Variants in FGD4 observed in about 807,000 individuals in gnomAD.
FGD4 encodes the protein FYVE, RhoGEF and PH domain-containing protein 4.
FGD4 carries 42 observed loss-of-function variants against 102.0 expected under a neutral mutation model. The ratio of observed to expected loss-of-function variants is 0.41; its 90% confidence interval spans 0.32 to 0.53. The LOEUF (loss-of-function observed/expected upper bound fraction) is 0.53. Ranked by LOEUF, FGD4 falls within the 20% of genes least tolerant of loss-of-function variation. The probability of loss-of-function intolerance (pLI) is 0.21; values close to 1 mark genes in which losing one functional copy is unlikely to be tolerated. For missense variants in FGD4, 902 were observed against 1,078.2 expected, an observed-to-expected ratio of 0.84 and a Z score of 2.29; for synonymous variants, 380 against 375.7, an observed-to-expected ratio of 1.01 and a Z score of -0.13.
chr12:32,608,216 A>C (rs1948911508), intron 8 of FGD4, 121 bp downstream of exon 8: 1 of 1,367,676 alleles, frequency 7.3e-7, no homozygotes, highest in Non-Finnish European at 1.0e-6. Flanking sequence ...GTTAGAAGAT[A>C]ATTTCATTGG....
chr12:32,632,829 A>G (rs1472806214), intron 14 of FGD4, among the ~76,000 whole-genome samples: 1 of 151,498 alleles, frequency 6.6e-6, no homozygotes, highest in Admixed American at 6.6e-5. Flanking sequence ...CGGCCTCCCA[A>G]AGTGCTGAGA....
intron 1 of FGD4, among the ~76,000 whole-genome samples, chr12:32,451,492 T>A (rs1942773459): frequency 6.6e-6 from 1 of 152,240 alleles, no homozygotes; most frequent in Non-Finnish European, 1.5e-5. Flanking sequence ...ACAAAATTTA[T>A]GATTCTCTGA....
chr12:32,614,030 C>CTT (rs1949306041), intron 10 of FGD4, among the ~76,000 whole-genome samples: 1 of 152,134 alleles, frequency 6.6e-6, no homozygotes, highest in Non-Finnish European at 1.5e-5. Context: ...AGACCATCCA[C>CTT]ATCCTTTTGC....
At chr12:32,586,541 A>C (rs1947049966) in intron 4 of FGD4, among the ~76,000 whole-genome samples, 1 of 152,250 alleles carries the variant, frequency 6.6e-6, no homozygotes, top group Non-Finnish European at 1.5e-5. Context: ...AGAAACAATT[A>C]AAGCATGGAA....
chr12:32,419,783 C>T (rs574897680), intron 1 of FGD4, among the ~76,000 whole-genome samples: 47 of 152,098 alleles, frequency 3.1e-4, no homozygotes, highest in African/African-American at 1.1e-3. Flanking sequence ...TAAGGCCAGT[C>T]CAAATGCTCC....
intron 2 of FGD4, among the ~76,000 whole-genome samples, chr12:32,571,077 G>A (rs2136331185): frequency 6.6e-6 from 1 of 152,316 alleles, no homozygotes; most frequent in Non-Finnish European, 1.5e-5. Context: ...ACTTCTCAAA[G>A]TAGCTGTGTG....
At chr12:32,566,708 G>A (rs528373517) in intron 2 of FGD4, among the ~76,000 whole-genome samples, 8 of 152,186 alleles carry the variant, frequency 5.3e-5, no homozygotes, top group East Asian at 1.9e-4. Flanking sequence ...TTAGTGGAGA[G>A]AAGCTGATTT....
chr12:32,422,556 C>G (rs1056422757), intron 1 of FGD4, among the ~76,000 whole-genome samples: 5 of 150,278 alleles, frequency 3.3e-5, no homozygotes, highest in Non-Finnish European at 5.9e-5. Flanking sequence ...CCTCAGCCTC[C>G]CAAATTGGGA....
At chr12:32,491,132 T>TAAA (rs72008264) in intron 1 of FGD4, among the ~76,000 whole-genome samples, 12,800 of 105,304 alleles carry the variant, frequency 0.12, 984 homozygotes, top group Middle Eastern at 0.16. Context: ...TTCTGCCAGT[T>TAAA]AAAAAAAAAA....
At chr12:32,411,139 G>C (rs1941190028) in intron 1 of FGD4, among the ~76,000 whole-genome samples, 1 of 151,222 alleles carries the variant, frequency 6.6e-6, no homozygotes, top group East Asian at 2.0e-4. Context: ...AGGTTGGCCA[G>C]ACTGGTCTCG....
intron 1 of FGD4, among the ~76,000 whole-genome samples, chr12:32,502,903 G>C (rs1454658057): frequency 6.6e-6 from 1 of 152,184 alleles, no homozygotes; most frequent in Non-Finnish European, 1.5e-5. Flanking sequence ...TGCAGGCACC[G>C]TGGTAAAGGA....
At chr12:32,549,876 T>G (rs1943514174) in intron 1 of FGD4, among the ~76,000 whole-genome samples, 1 of 152,212 alleles carries the variant, frequency 6.6e-6, no homozygotes. Context: ...CATCCTTTCC[T>G]CCTCCTTGGC....
rs1206819365 is a variant in FGD4, at chr12:32,643,112, C to A, written c.*2579C>A. The A allele has an allele frequency of 6.6e-6, 1 of 152,502 alleles. No homozygotes were observed. Among genetic ancestry groups the A allele is most frequent in the Non-Finnish European group, 1.5e-5 (1 of 67,938 alleles). 9.4% of individuals were successfully genotyped at this position (152,502 alleles called of 1,614,324 possible). On this transcript the variant is annotated 3_prime_UTR_variant, in exon 17 of 17. Coordinates refer to ENST00000534526, the MANE Select transcript of FGD4 (RefSeq NM_001370298.3). ...AAAAAGTACTTCCTTGACAAAATTTCTATTCATTATAAAACATTTCAATAT... is the reference window on the plus strand; with the variant it reads ...AAAAAGTACTTCCTTGACAAAATTTATATTCATTATAAAACATTTCAATAT...
At chr12:32,571,926 A>T (rs1269971724) in intron 2 of FGD4, among the ~76,000 whole-genome samples, 1 of 152,012 alleles carries the variant, frequency 6.6e-6, no homozygotes, top group East Asian at 1.9e-4. Flanking sequence ...TGAAGCCAGG[A>T]GGGGTGGCTG....
At chr12:32,502,264 A>G (rs1185366926) in intron 1 of FGD4, 1 of 985,470 alleles carries the variant, frequency 1.0e-6, no homozygotes, top group African/African-American at 1.7e-5. Flanking sequence ...GGCTCGCTGG[A>G]AGAACAAATG....
Position 32,582,393 on chromosome 12 carries a change from A to G in FGD4, c.937A>G (p.Thr313Ala). The G allele has an allele frequency of 6.2e-7, 1 of 1,614,112 alleles. No individual in the cohort carries two copies. The highest frequency in any genetic ancestry group is 8.5e-7 in the Non-Finnish European group (1 of 1,180,028). The change falls in exon 4 of 17, where the codon ACC (threonine) becomes GCC (alanine). Residue 313 changes from threonine (T) to alanine (A), a missense_variant. Transcript: ENST00000534526. ...PLEERGAETETKVQERENGES... is the reference protein window; with the variant it reads ...PLEERGAETEAKVQERENGES... ...AGAAGAAAGAGGGGCAGAAACAGAA[A>G]CCAAGGTACAAGAGAGGGAAAATGG...
rs555772288 is a variant in FGD4 at position 32,574,336 on chromosome 12, T to G, written c.320-1930T>G. Among the ~76,000 whole-genome samples, 61 of 151,812 alleles carry G rather than the reference T, an allele frequency of 4.0e-4. No individual in the cohort carries two copies. The South Asian group carries it at 0.011, about 28-fold the overall frequency. ...AATTATTCATAACCTTAAGTGTTTTTTTTTTTTTTTTGGGTGGGAGATTTT... is the reference window on the plus strand; with the variant it reads ...AATTATTCATAACCTTAAGTGTTTTGTTTTTTTTTTTGGGTGGGAGATTTT... On this transcript the variant is annotated intron_variant, in intron 2 of 16. Transcript: ENST00000534526.
At chr12:32,432,195 G>A (rs1264463022) in intron 1 of FGD4, among the ~76,000 whole-genome samples, 1 of 151,622 alleles carries the variant, frequency 6.6e-6, no homozygotes, top group Non-Finnish European at 1.5e-5. Flanking sequence ...CAGCAGCTGG[G>A]ACTACAGGCG....
chr12:32,513,692 G>T (rs961259907), intron 1 of FGD4, among the ~76,000 whole-genome samples: 2 of 152,210 alleles, frequency 1.3e-5, no homozygotes, highest in African/African-American at 4.8e-5. Flanking sequence ...AATTGGATGT[G>T]TAGATGGGGT....
Sources: allele counts gnomAD v4.1 joint callset (sites outside exome capture counted in the v4.1 genomes callset), GRCh38; gene constraint gnomAD v4.1.1; transcripts MANE v1.5; gene names NCBI Gene and HGNC (gene_info 2026-07-23, HGNC 2026-07-21).